Variants in RANBP9 observed in about 807,000 individuals in gnomAD.
RANBP9 encodes RAN binding protein 9.
In RANBP9, 15 loss-of-function variants were observed where a neutral mutation model predicts 84.3. The observed-to-expected ratio is 0.18, with a 90% confidence interval of 0.12 to 0.27. The LOEUF (loss-of-function observed/expected upper bound fraction) is 0.27, where lower values mean the gene tolerates loss of function less well. RANBP9 is among the 10% of genes least tolerant of loss of function. The probability of loss-of-function intolerance (pLI) is 1.00; values close to 1 mark genes in which losing one functional copy is unlikely to be tolerated. For synonymous variants in RANBP9, 392 were observed against 349.6 expected (o/e 1.12, Z -1.35); for missense variants, 809 against 912.8 (o/e 0.89, Z 1.46).
chr6:13,672,025 C>G (rs1263071544), intron 2 of RANBP9, among the ~76,000 whole-genome samples: 1 of 152,110 alleles, frequency 6.6e-6, no homozygotes, highest in Non-Finnish European at 1.5e-5. Context: ...GGAAGGAACA[C>G]TTTAAAAGTA....
Position 13,682,395 on chromosome 6 carries a change from T to TAAA in RANBP9, c.683+14387_683+14389dup, listed in dbSNP as rs202214378. On this transcript the variant is annotated intron_variant, in intron 2 of 13. Transcript: ENST00000011619. ...TATATTCTAAAGACTGAAGCAAAATTAAAAAAAAAAAAAAAAAAGACTGCA... is the reference window on the plus strand; with the variant it reads ...TATATTCTAAAGACTGAAGCAAAATTAAAAAAAAAAAAAAAAAAAAAGACTGCA... Among the ~76,000 whole-genome samples, 403 of 102,346 alleles carry TAAA rather than the reference T, an allele frequency of 3.9e-3. 2 individuals carry two copies. Among genetic ancestry groups the TAAA allele is most frequent in the African/African-American group, 0.014 (389 of 28,664 alleles). The allele number at this position is 102,346 out of a possible 152,430, so 67.1% of individuals were successfully genotyped here.
intron 5 of RANBP9, among the ~76,000 whole-genome samples, chr6:13,651,767 A>T (rs1257564324): frequency 6.6e-6 from 1 of 152,040 alleles, no homozygotes; most frequent in African/African-American, 2.4e-5. Flanking sequence ...TGACAAATAA[A>T]AGTCCACAAT....
chr6:13,624,986 A>C (rs1348651045), intron 13 of RANBP9, among the ~76,000 whole-genome samples: 1 of 152,130 alleles, frequency 6.6e-6, no homozygotes, highest in African/African-American at 2.4e-5. Context: ...GCTCAAGCAA[A>C]ATGGTTGGGA....
rs1032290895 is a variant in RANBP9, at chr6:13,657,415, C to A, written c.737-139G>T. 4.9e-5 allele frequency: 28 copies of A among 571,652 alleles called. No individual in the cohort carries two copies. In the South Asian group the frequency reaches 1.3e-3, roughly 26 times the overall value. The allele number at this position is 571,652 out of a possible 1,614,324, so 35.4% of individuals were successfully genotyped here. A position where few individuals can be genotyped will look rare whatever the true frequency, so the allele number is the denominator to read the frequency against. On this transcript the variant is annotated intron_variant, in intron 3 of 13. Transcript: ENST00000011619. ...TCCCAATGTACATTTAAATTCTCAA[C>A]AATTACACTACATAATTTATTCTAT...
chr6:13,677,884 G>A (rs1481538434), intron 2 of RANBP9, among the ~76,000 whole-genome samples: 2 of 152,156 alleles, frequency 1.3e-5, no homozygotes, highest in Non-Finnish European at 2.9e-5. Context: ...TTAGGAGGCT[G>A]AGGTGGGTGG....
chr6:13,630,477 C>T (rs1032242137), intron 12 of RANBP9, among the ~76,000 whole-genome samples: 6 of 148,866 alleles, frequency 4.0e-5, no homozygotes, highest in African/African-American at 1.5e-4. Flanking sequence ...AAAAGAAAAC[C>T]AAGTCAGATG....
At chr6:13,710,889 C>G (rs930885769) in intron 1 of RANBP9, 46 bp downstream of exon 1, 5 of 1,539,600 alleles carry the variant, frequency 3.2e-6, no homozygotes, top group Admixed American at 1.9e-5. Context: ...CGGCCGGCCA[C>G]GTCGGGTCAG....
At chr6:13,703,867 G>A (rs992136871) in intron 1 of RANBP9, among the ~76,000 whole-genome samples, 2 of 152,164 alleles carry the variant, frequency 1.3e-5, no homozygotes, top group Non-Finnish European at 2.9e-5. Context: ...TGGTTTCCAT[G>A]AAGTCAGATC....
intron 2 of RANBP9, among the ~76,000 whole-genome samples, chr6:13,665,588 A>G (rs534798938): frequency 6.6e-6 from 1 of 152,300 alleles, no homozygotes; most frequent in South Asian, 2.1e-4. Context: ...AGTTGCTCAT[A>G]GGACTGAACA....
intron 2 of RANBP9, among the ~76,000 whole-genome samples, chr6:13,671,575 T>C (rs1055042668): frequency 3.3e-5 from 5 of 152,164 alleles, no homozygotes; most frequent in Admixed American, 1.3e-4. Context: ...TCCATTTATA[T>C]GAAATGTCCA....
In RANBP9 at chr6:13,711,127, T is replaced by A; in HGVS notation, c.379A>T (p.Ser127Cys). The A allele has an allele frequency of 6.5e-7, 1 of 1,534,444 alleles. No homozygotes were observed. The highest frequency in any genetic ancestry group is 1.2e-5 in the South Asian group (1 of 84,198). Residue 127 changes from serine to cysteine, a missense_variant, in exon 1 of 14, where the codon AGC becomes TGC. This residue lies in a region of RANBP9 where 302 missense variants were observed against 240.1 expected (regional missense o/e 1.26). Transcript: ENST00000011619. Reference protein sequence around the residue: ...GAPTPALVAGSSAAAPFPHGD... With the variant: ...GAPTPALVAGCSAAAPFPHGD... ...TGAGGGAAGGGGGCCGCGGCGCTGC[T>A]GCCCGCCACCAGAGCTGGGGTCGGG... is the stretch of plus-strand genomic sequence containing the variant.
chr6:13,639,890 T>C, intron 8 of RANBP9, 137 bp from the exon 9 acceptor site: 1 of 706,286 alleles, frequency 1.4e-6, no homozygotes, highest in Non-Finnish European at 2.3e-6. Flanking sequence ...AAATATTAAA[T>C]ATGGTGTCCT....
intron 8 of RANBP9, among the ~76,000 whole-genome samples, chr6:13,640,244 A>G (rs1562300726): frequency 1.3e-5 from 2 of 152,232 alleles, no homozygotes; most frequent in African/African-American, 4.8e-5. Flanking sequence ...CTTACAAAGG[A>G]TATCTGTTGC....
chr6:13,690,160 A>T (rs2113346556), intron 2 of RANBP9, among the ~76,000 whole-genome samples: 1 of 152,294 alleles, frequency 6.6e-6, no homozygotes, highest in African/African-American at 2.4e-5. Context: ...CATTCAGTTC[A>T]CTCACTGTAT....
intron 3 of RANBP9, among the ~76,000 whole-genome samples, chr6:13,657,894 T>G (rs761633071): frequency 2.0e-5 from 3 of 152,200 alleles, no homozygotes; most frequent in Non-Finnish European, 4.4e-5. Flanking sequence ...GTGATTACAA[T>G]CAGATGCAAC....
At chr6:13,623,255 A>T (rs1764505875) in intron 13 of RANBP9, among the ~76,000 whole-genome samples, 1 of 152,218 alleles carries the variant, frequency 6.6e-6, no homozygotes, top group South Asian at 2.1e-4. Flanking sequence ...CTTTATGAGA[A>T]GGCAATGTCC....
chr6:13,711,179 T>A lies in RANBP9; in HGVS notation c.327A>T (p.Ala109=). 1 of 1,378,794 alleles carries A rather than the reference T, an allele frequency of 7.3e-7. No homozygotes were observed. The highest frequency in any genetic ancestry group is 9.3e-7 in the Non-Finnish European group (1 of 1,070,964). The allele number at this position is 1,378,794 out of a possible 1,614,324, so 85.4% of individuals were successfully genotyped here. ...CTCCTCCAGCCGGGCCGGGGCCCGC[T>A]GCAAGGCCCGGGGGAGCGGGCGGCC... ...ASGPPAPPGL[A]AGPGPAGGAP... is the part of the protein sequence containing the mutation. Residue 109 remains alanine, a synonymous_variant, in exon 1 of 14, where the codon GCA becomes GCT. Transcript: ENST00000011619.
chr6:13,649,876 C>G (rs1204063562), intron 5 of RANBP9, among the ~76,000 whole-genome samples: 3 of 152,112 alleles, frequency 2.0e-5, no homozygotes, highest in Non-Finnish European at 4.4e-5. Context: ...GTCCAGGTCA[C>G]CAACGACCTC....
At chr6:13,629,885 T>C (rs1163024485) in intron 12 of RANBP9, among the ~76,000 whole-genome samples, 1 of 147,768 alleles carries the variant, frequency 6.8e-6, no homozygotes, top group Admixed American at 6.9e-5. Flanking sequence ...TCTCTCTCTC[T>C]CATGTCTCTG....
Sources: allele counts gnomAD v4.1 joint callset (sites outside exome capture counted in the v4.1 genomes callset), GRCh38; gene constraint gnomAD v4.1.1; regional missense constraint gnomAD v4.1.1; transcripts MANE v1.5; gene names NCBI Gene and HGNC (gene_info 2026-07-23, HGNC 2026-07-21).